EYA2: variants seen among roughly 807,000 people sequenced by gnomAD.
EYA2 encodes the protein protein phosphatase EYA2.
Under a neutral mutation model 69.2 loss-of-function variants are expected in EYA2, and 31 were observed. The observed-to-expected ratio is 0.45, with a 90% CI of 0.34 to 0.60. EYA2 has a LOEUF of 0.60. Among genes scored for constraint, EYA2 ranks in the 20% least tolerant of loss-of-function variants. EYA2 has a pLI of 0.02. For synonymous variants in EYA2, 257 were observed against 279.4 expected (o/e 0.92, Z 0.80); for missense variants, 622 against 701.2 (o/e 0.89, Z 1.28).
chr20:47,117,528 T>G (rs2032934150), intron 9 of EYA2: 1 of 985,290 alleles, frequency 1.0e-6, no homozygotes, highest in African/African-American at 1.7e-5. Context: ...TATTACGTGA[T>G]TCCGGCTTGG....
intron 3 of EYA2, among the ~76,000 whole-genome samples, chr20:47,004,470 A>C (rs56913055): frequency 1.1e-5 from 1 of 91,366 alleles, no homozygotes; most frequent in African/African-American, 3.6e-5. Context: ...CAGTGGCTTC[A>C]CACAACAAAG....
At chr20:47,004,299 T>G (rs1414452237) in intron 3 of EYA2, among the ~76,000 whole-genome samples, 2 of 152,122 alleles carry the variant, frequency 1.3e-5, no homozygotes, top group Non-Finnish European at 2.9e-5. Context: ...CAGGGCAGAG[T>G]CTGATTGGAT....
chr20:46,935,242 A>G (rs1985856943), intron 1 of EYA2, among the ~76,000 whole-genome samples: 2 of 152,168 alleles, frequency 1.3e-5, no homozygotes, highest in South Asian at 4.1e-4. Context: ...CCTGCTGGGA[A>G]CATTTTTGTA....
rs554630599 is a variant in EYA2, at chr20:47,169,684, A to G, written c.1037+487A>G. Among the ~76,000 whole-genome samples the G allele has an allele frequency of 7.2e-5, 11 of 152,250 alleles. No individual in the cohort carries two copies. In the South Asian group the frequency reaches 2.3e-3, roughly 32 times the overall value. On this transcript the variant is annotated intron_variant, in intron 11 of 15. Transcript: ENST00000327619. ...TCACCTCCCAAACTCACCACCATTA[A>G]GAGTTTAGTATATATTCTTCAAAGA...
intron 12 of EYA2, among the ~76,000 whole-genome samples, chr20:47,173,142 C>A (rs1461839166): frequency 1.3e-5 from 2 of 152,076 alleles, no homozygotes; most frequent in Admixed American, 1.3e-4. Flanking sequence ...AATTCTCTTA[C>A]CCACAGCCAG....
In EYA2 at chr20:46,954,716, T is replaced by C. The variant is rs144234182; in HGVS notation, c.-10-35285T>C. ...CTCAAACACCAGGAGATGCCACCGA[T>C]AGCCACCTCTCCTCACAGTTTCGTT... is the stretch of plus-strand genomic sequence containing the variant. On this transcript the variant is annotated intron_variant, in intron 1 of 15. Coordinates refer to ENST00000327619, the MANE Select transcript of EYA2 (RefSeq NM_005244.5). Among the ~76,000 whole-genome samples the C allele has an allele frequency of 7.9e-5, 12 of 152,304 alleles. No homozygotes were observed. In the East Asian group the frequency reaches 2.3e-3, roughly 29 times the overall value.
chr20:46,993,332 C>T (rs1449224536), intron 2 of EYA2, among the ~76,000 whole-genome samples: 1 of 152,234 alleles, frequency 6.6e-6, no homozygotes, highest in East Asian at 1.9e-4. Flanking sequence ...AAACTCATCT[C>T]CGTCCCTATT....
In EYA2 at chr20:47,173,006, C is replaced by T. The variant is rs2034356215; in HGVS notation, c.1198+139C>T. ...CCCACTTAATGCAACCCTGACGACA[C>T]CCTTCGGAATAGAGCACTGGGATTT... On this transcript the variant is annotated intron_variant, in intron 12 of 15. Transcript: ENST00000327619. The T allele has an allele frequency of 4.3e-6, 4 of 925,264 alleles. No individual in the cohort carries two copies. In the South Asian group the frequency reaches 5.6e-5, roughly 13 times the overall value. 57.3% of individuals were successfully genotyped at this position (925,264 alleles called of 1,614,324 possible). A position where few individuals can be genotyped will look rare whatever the true frequency, so the allele number is the denominator to read the frequency against.
chr20:46,913,872 A>G (rs6012073), intron 1 of EYA2, among the ~76,000 whole-genome samples: 131,653 of 152,106 alleles, frequency 0.87, 57,814 homozygotes, highest in East Asian at 0.97. Flanking sequence ...GTGTTTGAAT[A>G]TATGATCATC....
At chr20:46,929,988 G>A (rs1378369252) in intron 1 of EYA2, among the ~76,000 whole-genome samples, 1 of 152,150 alleles carries the variant, frequency 6.6e-6, no homozygotes, top group Non-Finnish European at 1.5e-5. Flanking sequence ...CTTTTCCATT[G>A]CTAAGATTTT....
chr20:47,145,061 G>A (rs773531360), intron 10 of EYA2, among the ~76,000 whole-genome samples: 23 of 152,162 alleles, frequency 1.5e-4, no homozygotes, highest in Non-Finnish European at 2.5e-4. Context: ...CCCCACTTCT[G>A]TGAGAACAGG....
intron 2 of EYA2, among the ~76,000 whole-genome samples, chr20:46,991,797 G>A (rs887747955): frequency 2.6e-5 from 4 of 151,950 alleles, no homozygotes; most frequent in Admixed American, 1.3e-4. Flanking sequence ...GTGAAACCTC[G>A]TCTCTATTAA....
intron 5 of EYA2, among the ~76,000 whole-genome samples, chr20:47,023,729 C>T (rs758623106): frequency 6.7e-6 from 1 of 149,506 alleles, no homozygotes; most frequent in Non-Finnish European, 1.5e-5. Context: ...CCTCTGCCTC[C>T]AGGGTTCAAG....
At position 47,089,097 on chromosome 20, in the gene EYA2, G is replaced by C. The variant is rs2031989141; in HGVS notation, c.662-142G>C. 4.3e-6 allele frequency: 4 copies of C among 938,744 alleles called. No individual in the cohort carries two copies. The South Asian group carries it at 5.4e-5, about 13-fold the overall frequency. 58.2% of individuals were successfully genotyped at this position (938,744 alleles called of 1,614,324 possible). On this transcript the variant is annotated intron_variant, in intron 7 of 15. Transcript: ENST00000327619. ...GCAATTTAAGGGACTTCCAAGGGCAGTTTTCATCCTACGAGATCTTTGCCT... is the reference window on the plus strand; with the variant it reads ...GCAATTTAAGGGACTTCCAAGGGCACTTTTCATCCTACGAGATCTTTGCCT...
chr20:47,102,967 A>G (rs1344573452), intron 9 of EYA2, among the ~76,000 whole-genome samples: 1 of 152,190 alleles, frequency 6.6e-6, no homozygotes. Flanking sequence ...AAAAGAAATT[A>G]GTCAGCTTTC....
chr20:46,901,888 C>G (rs1312339480), intron 1 of EYA2, among the ~76,000 whole-genome samples: 1 of 152,192 alleles, frequency 6.6e-6, no homozygotes, highest in Non-Finnish European at 1.5e-5. Flanking sequence ...GATGATTCAC[C>G]TCCGGTCTGC....
chr20:46,935,340 C>G (rs1454557331), intron 1 of EYA2, among the ~76,000 whole-genome samples: 1 of 152,222 alleles, frequency 6.6e-6, no homozygotes, highest in African/African-American at 2.4e-5. Context: ...ACCTGCCGCA[C>G]CTCTCTGGGC....
At chr20:47,183,939 G>C (rs1044684294) in intron 15 of EYA2, among the ~76,000 whole-genome samples, 1 of 152,148 alleles carries the variant, frequency 6.6e-6, no homozygotes, top group African/African-American at 2.4e-5. Context: ...GGCCTGGGAA[G>C]TGGATTGTTA....
chr20:46,982,507 C>T (rs1451337522), intron 1 of EYA2, among the ~76,000 whole-genome samples: 1 of 152,178 alleles, frequency 6.6e-6, no homozygotes, highest in African/African-American at 2.4e-5. Flanking sequence ...GCAAGGTCTT[C>T]TGTCAGTTTC....
Sources: allele counts gnomAD v4.1 joint callset (sites outside exome capture counted in the v4.1 genomes callset), GRCh38; gene constraint gnomAD v4.1.1; transcripts MANE v1.5; gene names NCBI Gene and HGNC (gene_info 2026-07-23, HGNC 2026-07-21).